VPS18: variants seen among roughly 807,000 people sequenced by gnomAD.
VPS18 encodes the protein VPS18 core subunit of CORVET and HOPS complexes, also known as vacuolar protein sorting-associated protein 18 homolog.
VPS18 carries 25 observed loss-of-function variants against 82.0 expected under a neutral mutation model. That is an observed-to-expected ratio of 0.30 (90% CI 0.22 to 0.43). VPS18 has a LOEUF of 0.43. VPS18 is among the 20% of genes least tolerant of loss of function. The pLI, the probability that VPS18 is intolerant of heterozygous loss-of-function variation, is 1.00. For missense variants in VPS18, 1,168 were observed against 1,311.1 expected, an observed-to-expected ratio of 0.89 and a Z score of 1.69; for synonymous variants, 523 against 543.0, an observed-to-expected ratio of 0.96 and a Z score of 0.51.
rs549098895 is a variant in VPS18 at position 40,902,351 on chromosome 15, G to A, written c.2197-265G>A. 6.6e-6 allele frequency among the ~76,000 whole-genome samples: 1 copy of A among 152,290 alleles called. No individual in the cohort carries two copies. The highest frequency in any genetic ancestry group is 2.4e-5 in the African/African-American group (1 of 41,568). ...GATGGTCTCGATCTCCTGACCTCGTGATCTGCCTGCCTTGGCCTCCCAAAA... is the reference window on the plus strand; with the variant it reads ...GATGGTCTCGATCTCCTGACCTCGTAATCTGCCTGCCTTGGCCTCCCAAAA... On this transcript the variant is annotated intron_variant, in intron 4 of 4. Coordinates refer to ENST00000220509, the MANE Select transcript of VPS18 (RefSeq NM_020857.3). The surrounding 1 kb of genome is among the most constrained non-coding windows in gnomAD (Gnocchi z 4.2).
Position 40,895,918 on chromosome 15 carries a change from T to C in VPS18, c.92-20T>C. ...CCTGTCTCTTCCACAGCTAATCTTC[T>C]TGTCATTCCTTACCTGTAGGGTATG... On this transcript the variant is annotated intron_variant, in intron 1 of 4. Coordinates refer to ENST00000220509, the MANE Select transcript of VPS18 (RefSeq NM_020857.3). 2 of 1,614,024 alleles carry C rather than the reference T, an allele frequency of 1.2e-6. No individual in the cohort carries two copies. Among genetic ancestry groups the C allele is most frequent in the Non-Finnish European group, 1.7e-6 (2 of 1,179,902 alleles).
Position 40,899,971 on chromosome 15 carries a change from G to T in VPS18, c.1153G>T (p.Ala385Ser). ...CCAGCTGTGGGCCTACACTGAGCGG[G>T]CTGTCTTCCGCTACCACGTGCAACG... ...TGQLWAYTER[A>S]VFRYHVQREA... Residue 385 changes from alanine to serine, a missense_variant, in exon 4 of 5, where the codon GCT (alanine) becomes TCT (serine). Around this residue, in one of 3 missense-constraint regions of VPS18, gnomAD observed 868 missense variants for 939.8 expected, o/e 0.92. Coordinates refer to ENST00000220509, the MANE Select transcript of VPS18 (RefSeq NM_020857.3). This position sits in a 1 kb window ranked among gnomAD's most constrained non-coding sequence, Gnocchi z 4.4. 1 of 1,613,972 alleles carries T rather than the reference G, an allele frequency of 6.2e-7. No homozygotes were observed.
At position 40,900,801 on chromosome 15, in the gene VPS18, G is replaced by A. The variant is rs749485615; in HGVS notation, c.1983G>A (p.Gln661=). ...TGAACGTGCTGGGGGAGACTGAGCA[G>A]GCCATCCACAACTACCTGCTGTCAC... ...FCVNVLGETE[Q]AIHNYLLSLY... Residue 661 remains glutamine (Q), a synonymous_variant, in exon 4 of 5, where the codon CAG becomes CAA. Transcript: ENST00000220509. The surrounding 1 kb of genome is among the most constrained non-coding windows in gnomAD (Gnocchi z 5.4). 1 of 1,614,216 alleles carries A rather than the reference G, an allele frequency of 6.2e-7. No individual in the cohort carries two copies. The highest frequency in any genetic ancestry group is 8.5e-7 in the Non-Finnish European group (1 of 1,180,032).
At position 40,899,337 on chromosome 15, in the gene VPS18, G is replaced by A. The variant is rs749774590; in HGVS notation, c.519G>A (p.Glu173=). 4.3e-6 allele frequency: 7 copies of A among 1,613,658 alleles called. No homozygotes were observed. In the East Asian group the frequency reaches 1.6e-4, roughly 36 times the overall value. The change falls in exon 4 of 5, where the codon GAG becomes GAA. Residue 173 remains glutamate, a synonymous_variant. Coordinates refer to ENST00000220509, the MANE Select transcript of VPS18 (RefSeq NM_020857.3). This position sits in a 1 kb window ranked among gnomAD's most constrained non-coding sequence, Gnocchi z 4.4. Reference sequence around the variant, plus strand: ...CCCAAGGCCACATCTTTGAAGCAGAGCTCTCAGCCAGCGAAGGTGGGCTTT... The same window carrying A: ...CCCAAGGCCACATCTTTGAAGCAGAACTCTCAGCCAGCGAAGGTGGGCTTT... ...GTAQGHIFEA[E]LSASEGGLFG... is the part of the protein sequence containing the mutation.
rs1294088640 is a variant in VPS18, at chr15:40,895,991, A to G, written c.145A>G (p.Ile49Val). The G allele has an allele frequency of 1.2e-6, 2 of 1,614,164 alleles. No individual in the cohort carries two copies. The highest frequency in any genetic ancestry group is 1.3e-5 in the African/African-American group (1 of 75,052). Reference protein sequence around the residue: ...KEVPIFTKQRIDFTPSERITS... With the variant: ...KEVPIFTKQRVDFTPSERITS... Reference sequence around the variant, plus strand: ...AGTGCCCATCTTCACAAAGCAGCGCATTGACTTCACCCCTTCCGAGCGCAT... The same window carrying G: ...AGTGCCCATCTTCACAAAGCAGCGCGTTGACTTCACCCCTTCCGAGCGCAT... Residue 49 changes from isoleucine (I) to valine (V), a missense_variant, in exon 2 of 5, where the codon ATT (isoleucine) becomes GTT (valine). Ile to Val is a conservative substitution (Grantham distance 29, BLOSUM62 3). Coordinates refer to ENST00000220509, the MANE Select transcript of VPS18 (RefSeq NM_020857.3).
At position 40,903,486 on chromosome 15, in the gene VPS18, CAGG is replaced by C; in HGVS notation, c.*149_*151del. On this transcript the variant is annotated 3_prime_UTR_variant, in exon 5 of 5. Coordinates refer to ENST00000220509, the MANE Select transcript of VPS18 (RefSeq NM_020857.3). ...ACGGGAGTAGAGTAGCGCTGTTGGC[CAGG>C]AGGTGTCAGGTGTGAGTGTATTCTG... is the stretch of plus-strand genomic sequence containing the variant. 1 of 1,122,386 alleles carries C rather than the reference CAGG, an allele frequency of 8.9e-7. No homozygotes were observed. Among genetic ancestry groups the C allele is most frequent in the Non-Finnish European group, 1.2e-6 (1 of 835,546 alleles). The allele number at this position is 1,122,386 out of a possible 1,614,324, so 69.5% of individuals were successfully genotyped here.
rs1169225792 is a variant in VPS18 at position 40,900,086 on chromosome 15, A to G, written c.1268A>G (p.Asp423Gly). The G allele has an allele frequency of 2.5e-6, 4 of 1,613,754 alleles. No homozygotes were observed. Among genetic ancestry groups the G allele is most frequent in the Non-Finnish European group, 3.4e-6 (4 of 1,180,034 alleles). ...EYCRERPDCL[D>G]TVLAREADFC... is the part of the protein sequence containing the mutation. Reference sequence around the variant, plus strand: ...TGTCGAGAGCGGCCCGACTGCCTGGACACGGTCCTGGCCCGGGAGGCCGAT... The same window carrying G: ...TGTCGAGAGCGGCCCGACTGCCTGGGCACGGTCCTGGCCCGGGAGGCCGAT... The change falls in exon 4 of 5, where the codon GAC becomes GGC. Residue 423 changes from aspartate to glycine, a missense_variant. Around this residue, in one of 3 missense-constraint regions of VPS18, gnomAD observed 868 missense variants for 939.8 expected, o/e 0.92. Transcript: ENST00000220509. The surrounding 1 kb of genome is among the most constrained non-coding windows in gnomAD (Gnocchi z 5.4).
At position 40,900,791 on chromosome 15, in the gene VPS18, A is replaced by G. The variant is rs1338924642; in HGVS notation, c.1973A>G (p.Glu658Gly). The G allele has an allele frequency of 6.2e-7, 1 of 1,614,072 alleles. No individual in the cohort carries two copies. Among genetic ancestry groups the G allele is most frequent in the Non-Finnish European group, 8.5e-7 (1 of 1,180,002 alleles). ...GAGTTCTGCGTGAACGTGCTGGGGG[A>G]GACTGAGCAGGCCATCCACAACTAC... ...YMEFCVNVLG[E>G]TEQAIHNYLL... Residue 658 changes from glutamate (E) to glycine (G), a missense_variant, in exon 4 of 5, where the codon GAG (glutamate) becomes GGG (glycine). By Grantham distance (98) the Glu-to-Gly change is moderately conservative. Around this residue, in one of 3 missense-constraint regions of VPS18, gnomAD observed 868 missense variants for 939.8 expected, o/e 0.92. Coordinates refer to ENST00000220509, the MANE Select transcript of VPS18 (RefSeq NM_020857.3). The surrounding 1 kb of genome is among the most constrained non-coding windows in gnomAD (Gnocchi z 5.4).
intron 4 of VPS18, among the ~76,000 whole-genome samples, chr15:40,901,389 C>G (rs975976641): frequency 6.6e-5 from 10 of 151,876 alleles, no homozygotes; most frequent in Non-Finnish European, 1.3e-4. Flanking sequence ...GAGTTCGAGA[C>G]CAGCCTGACC....
Position 40,899,022 on chromosome 15 carries a change from G to A in VPS18, c.325+24G>A. The stretch of plus-strand genomic sequence containing the variant: ...TGGTAAGTAACAGTGGAGATCTGAG[G>A]AGGGGGTCTCTGGTCAGTCACTGCC... On this transcript the variant is annotated intron_variant, in intron 3 of 4. Transcript: ENST00000220509. The surrounding 1 kb of genome is among the most constrained non-coding windows in gnomAD (Gnocchi z 4.4). 6.2e-7 allele frequency: 1 copy of A among 1,612,638 alleles called. No individual in the cohort carries two copies. The highest frequency in any genetic ancestry group is 8.5e-7 in the Non-Finnish European group (1 of 1,179,354).
In VPS18 at chr15:40,900,121, C is replaced by T. The variant is rs753747967; in HGVS notation, c.1303C>T (p.Arg435Cys). 7.4e-6 allele frequency: 12 copies of T among 1,613,840 alleles called. No individual in the cohort carries two copies. Among genetic ancestry groups the T allele is most frequent in the African/African-American group, 2.7e-5 (2 of 75,066 alleles). Reference sequence around the variant, plus strand: ...GGCCCGGGAGGCCGATTTCTGCTTTCGCCAGCGTCGCTACCTGGAGAGCGC... The same window carrying T: ...GGCCCGGGAGGCCGATTTCTGCTTTTGCCAGCGTCGCTACCTGGAGAGCGC... ...VLAREADFCF[R>C]QRRYLESARC... is the part of the protein sequence containing the mutation. Residue 435 changes from arginine to cysteine, a missense_variant, in exon 4 of 5, where the codon CGC becomes TGC. Physicochemically the swap from Arg to Cys is radical, Grantham distance 180. Transcript: ENST00000220509. The surrounding 1 kb of genome is among the most constrained non-coding windows in gnomAD (Gnocchi z 5.4).
intron 2 of VPS18, among the ~76,000 whole-genome samples, chr15:40,896,641 T>G (rs1203024455): frequency 6.6e-6 from 1 of 151,652 alleles, no homozygotes. Context: ...TGAAACGCTG[T>G]TTCTACTAAA....
Position 40,899,908 on chromosome 15 carries a change from G to A in VPS18, c.1090G>A (p.Gly364Arg), listed in dbSNP as rs774555806. The change falls in exon 4 of 5, where the codon GGG becomes AGG. Residue 364 changes from glycine (G) to arginine (R), a missense_variant. Around this residue, in one of 3 missense-constraint regions of VPS18, gnomAD observed 868 missense variants for 939.8 expected, o/e 0.92. Coordinates refer to ENST00000220509, the MANE Select transcript of VPS18 (RefSeq NM_020857.3). This position sits in a 1 kb window ranked among gnomAD's most constrained non-coding sequence, Gnocchi z 4.4. ...VLRDHFLEKF[G>R]PLKHMVKDSS... ...GCGGGATCACTTCCTGGAGAAATTT[G>A]GGCCGCTGAAGCACATGGTGAAGGA... The A allele has an allele frequency of 6.2e-7, 1 of 1,611,734 alleles. No individual in the cohort carries two copies.
chr15:40,900,729 T>C lies in VPS18; in HGVS notation c.1911T>C (p.Gly637=), dbSNP rs766435032. 3 of 1,614,030 alleles carry C rather than the reference T, an allele frequency of 1.9e-6. No homozygotes were observed. Among genetic ancestry groups the C allele is most frequent in the Admixed American group, 1.7e-5 (1 of 60,008 alleles). Residue 637 remains glycine, a synonymous_variant, in exon 4 of 5, where the codon GGT becomes GGC. Transcript: ENST00000220509. The surrounding 1 kb of genome is among the most constrained non-coding windows in gnomAD (Gnocchi z 5.4). ...CCCTGGTGAACTACAGCCAGGGTGG[T>C]GAGGTCCAGCAGGTGAGCCAGGCCA... is the stretch of plus-strand genomic sequence containing the variant. The part of the protein sequence containing the change: ...IPALVNYSQG[G]EVQQVSQAIR...
At position 40,899,129 on chromosome 15, in the gene VPS18, C is replaced by T; in HGVS notation, c.326-15C>T. 1 of 1,607,916 alleles carries T rather than the reference C, an allele frequency of 6.2e-7. No homozygotes were observed. The highest frequency in any genetic ancestry group is 1.1e-5 in the South Asian group (1 of 90,630). On this transcript the variant is annotated splice_polypyrimidine_tract_variant and intron_variant, in intron 3 of 4. Transcript: ENST00000220509. The surrounding 1 kb of genome is among the most constrained non-coding windows in gnomAD (Gnocchi z 4.4). ...CGGCAGCATCCACTGGGGCGCCATGCTCTCCCCACTCCAGGCTCTCACCTG... is the reference window on the plus strand; with the variant it reads ...CGGCAGCATCCACTGGGGCGCCATGTTCTCCCCACTCCAGGCTCTCACCTG...
chr15:40,897,439 T>A (rs927458260), intron 2 of VPS18, among the ~76,000 whole-genome samples: 7 of 152,230 alleles, frequency 4.6e-5, no homozygotes, highest in Non-Finnish European at 7.3e-5. Context: ...TACACATATG[T>A]GCAATATGAA....
chr15:40,900,309 G>C lies in VPS18; in HGVS notation c.1491G>C (p.Glu497Asp), dbSNP rs761367729. 16 of 1,613,668 alleles carry C rather than the reference G, an allele frequency of 9.9e-6. No individual in the cohort carries two copies. The Admixed American group carries it at 2.7e-4, about 27-fold the overall frequency. Residue 497 changes from glutamate (E) to aspartate (D), a missense_variant, in exon 4 of 5, where the codon GAG (glutamate) becomes GAC (aspartate). Around this residue, in one of 3 missense-constraint regions of VPS18, gnomAD observed 868 missense variants for 939.8 expected, o/e 0.92. Coordinates refer to ENST00000220509, the MANE Select transcript of VPS18 (RefSeq NM_020857.3). This position sits in a 1 kb window ranked among gnomAD's most constrained non-coding sequence, Gnocchi z 5.4. The stretch of plus-strand genomic sequence containing the variant: ...CACTGCTGACCACCTGGCTGACAGA[G>C]CTCTACCTGAGCCGGCTTGGGGCTC... ...QATLLTTWLT[E>D]LYLSRLGALQ... is the part of the protein sequence containing the mutation.
At position 40,902,256 on chromosome 15, in the gene VPS18, G is replaced by T. The variant is rs564371383; in HGVS notation, c.2197-360G>T. ...GCCTCCCGGGTAGCTGGGACTACAG[G>T]CGCCCGCCACCACACCCGGCTAATT... On this transcript the variant is annotated intron_variant, in intron 4 of 4. Transcript: ENST00000220509. The surrounding 1 kb of genome is among the most constrained non-coding windows in gnomAD (Gnocchi z 4.2). Among the ~76,000 whole-genome samples the T allele has an allele frequency of 6.6e-6, 1 of 152,074 alleles. No homozygotes were observed. Among genetic ancestry groups the T allele is most frequent in the South Asian group, 2.1e-4 (1 of 4,818 alleles).
In VPS18 at chr15:40,899,282, G is replaced by A. The variant is rs764760605; in HGVS notation, c.464G>A (p.Ser155Asn). The change falls in exon 4 of 5, where the codon AGC becomes AAC. Residue 155 changes from serine to asparagine, a missense_variant. Physicochemically the swap from Ser to Asn is conservative, Grantham distance 46. Transcript: ENST00000220509. The surrounding 1 kb of genome is among the most constrained non-coding windows in gnomAD (Gnocchi z 4.4). ...TGGAACAAGGCACTGGGCACGGAGA[G>A]CAGCACAGGCCCCATCCTGGTCGGG... Reference protein sequence around the residue: ...VGWNKALGTESSTGPILVGTA... With the variant: ...VGWNKALGTENSTGPILVGTA... 2.7e-5 allele frequency: 44 copies of A among 1,614,112 alleles called. No individual in the cohort carries two copies. In the Admixed American group the frequency reaches 7.3e-4, roughly 27 times the overall value.
Sources: gnomAD v4.1 joint callset for allele counts (sites outside exome capture counted in the v4.1 genomes callset) on GRCh38, gnomAD v4.1.1 for gene constraint, gnomAD v4.1.1 regional missense constraint, Gnocchi (gnomAD v3.1) non-coding constraint, MANE v1.5 for transcripts, NCBI Gene and HGNC (gene_info 2026-07-23, HGNC 2026-07-21) for gene names.